NUF2: variants seen among roughly 807,000 people sequenced by gnomAD.
The protein encoded by NUF2 is kinetochore protein Nuf2.
NUF2 carries 34 observed loss-of-function variants against 61.8 expected under a neutral mutation model. The observed-to-expected ratio is 0.55, with a 90% CI of 0.42 to 0.73. The LOEUF is 0.73. Ranked by LOEUF, NUF2 falls within the 30% of genes least tolerant of loss-of-function variation. The pLI is 0.00. For missense variants in NUF2, 445 were observed against 539.1 expected (o/e 0.83, Z 1.73); for synonymous variants, 172 against 181.6 (o/e 0.95, Z 0.42).
intron 10 of NUF2, 35 bp downstream of exon 10, chr1:163,343,905 TA>T (rs762788695): frequency 0.028 from 29,354 of 1,059,160 alleles, no homozygotes; most frequent in South Asian, 0.036. Context: ...CTTTTGTATC[TA>T]AAAAAAAAAA....
At chr1:163,336,005 A>G (rs1650745826) in intron 5 of NUF2, among the ~76,000 whole-genome samples, 1 of 152,060 alleles carries the variant, frequency 6.6e-6, no homozygotes, top group East Asian at 1.9e-4. Flanking sequence ...TTTATTTATA[A>G]AGGTTGTTTT....
chr1:163,353,874 G>A (rs956044888), intron 13 of NUF2, among the ~76,000 whole-genome samples: 2 of 152,108 alleles, frequency 1.3e-5, no homozygotes, highest in Non-Finnish European at 2.9e-5. Context: ...GCTCCTCCTT[G>A]AGAGTGTTAC....
chr1:163,331,433 G>A (rs1000858928), intron 5 of NUF2, among the ~76,000 whole-genome samples: 4 of 151,688 alleles, frequency 2.6e-5, no homozygotes, highest in Non-Finnish European at 5.9e-5. Flanking sequence ...TTTTGTCTGT[G>A]TTCATGATGG....
chr1:163,335,741 A>G, intron 5 of NUF2, among the ~76,000 whole-genome samples: 1 of 152,116 alleles, frequency 6.6e-6, no homozygotes, highest in East Asian at 1.9e-4. Flanking sequence ...CACATTAGTT[A>G]TGCTGTTTGA....
intron 13 of NUF2, among the ~76,000 whole-genome samples, chr1:163,353,374 C>T (rs1651387623): frequency 6.6e-6 from 1 of 152,224 alleles, no homozygotes; most frequent in Non-Finnish European, 1.5e-5. Context: ...TCTAGACTGA[C>T]ACTGTCCAAC....
At chr1:163,331,326 A>C (rs973975140) in intron 5 of NUF2, among the ~76,000 whole-genome samples, 2 of 151,898 alleles carry the variant, frequency 1.3e-5, no homozygotes, top group African/African-American at 4.8e-5. Flanking sequence ...TGATTTTTGA[A>C]TATCAAGCCA....
intron 13 of NUF2, among the ~76,000 whole-genome samples, chr1:163,351,623 A>G (rs1191033091): frequency 1.3e-5 from 2 of 152,210 alleles, no homozygotes; most frequent in Non-Finnish European, 2.9e-5. Flanking sequence ...ACTATTGATC[A>G]AAACTTTGGG....
chr1:163,352,428 G>A (rs1321122911), intron 13 of NUF2, among the ~76,000 whole-genome samples: 2 of 152,100 alleles, frequency 1.3e-5, no homozygotes, highest in African/African-American at 4.8e-5. Flanking sequence ...TTTAAAACAA[G>A]GGCCATTTTC....
At chr1:163,342,845 C>T (rs1042856110) in intron 9 of NUF2, among the ~76,000 whole-genome samples, 9 of 152,088 alleles carry the variant, frequency 5.9e-5, no homozygotes, top group African/African-American at 1.9e-4. Flanking sequence ...TCATGTGTCA[C>T]TGTTTTGTTG....
At chr1:163,326,811 ATACCT>A (rs944945926) in intron 2 of NUF2, among the ~76,000 whole-genome samples, 4 of 152,256 alleles carry the variant, frequency 2.6e-5, no homozygotes, top group Admixed American at 1.3e-4. Context: ...AATGGAAGAA[ATACCT>A]TAGAATAACT....
intron 5 of NUF2, 125 bp downstream of exon 5, chr1:163,329,032 A>G: frequency 2.1e-6 from 1 of 483,214 alleles, no homozygotes; most frequent in Non-Finnish European, 3.7e-6. Context: ...TTTAAAAAGT[A>G]TATCCCATTT....
chr1:163,349,272 C>T lies in NUF2; in HGVS notation c.1260+192C>T, dbSNP rs73028145. ...TAAATAGTCCTAAGTTTAATGAGAA[C>T]AGGCATCTTGTCTCCTACATTTTTA... On this transcript the variant is annotated intron_variant, in intron 13 of 13. Transcript: ENST00000271452. Among the ~76,000 whole-genome samples, 1,477 of 152,178 alleles carry T rather than the reference C, an allele frequency of 9.7e-3. 22 individuals carry two copies. The highest frequency in any genetic ancestry group is 0.033 in the African/African-American group (1,379 of 41,512).
intron 6 of NUF2, among the ~76,000 whole-genome samples, chr1:163,337,427 G>A (rs1650798502): frequency 6.6e-6 from 1 of 152,044 alleles, no homozygotes; most frequent in Admixed American, 6.6e-5. Flanking sequence ...AAAAACACCA[G>A]AGTAACTCCA....
chr1:163,336,897 T>G, intron 6 of NUF2, 49 bp downstream of exon 6: 1 of 1,125,420 alleles, frequency 8.9e-7, no homozygotes, highest in East Asian at 2.4e-5. Context: ...AGTAACATTA[T>G]TTATGAACTT....
rs1259603575 is a variant in NUF2, at chr1:163,340,401, A to G, written c.644A>G (p.Asn215Ser). 1.9e-6 allele frequency: 3 copies of G among 1,611,526 alleles called. No individual in the cohort carries two copies. The highest frequency in any genetic ancestry group is 4.5e-5 in the East Asian group (2 of 44,670). Reference protein sequence around the residue: ...LQEGNSQKKSNISEKTKRLNE... With the variant: ...LQEGNSQKKSSISEKTKRLNE... ...GAGGGAAATTCCCAAAAGAAGTCAA[A>G]TATTTCAGAGAAAACCAAGCGTTTG... The change falls in exon 9 of 14, where the codon AAT becomes AGT. Residue 215 changes from asparagine (N) to serine (S), a missense_variant. Asn to Ser is a conservative substitution (Grantham distance 46, BLOSUM62 1). Coordinates refer to ENST00000271452, the MANE Select transcript of NUF2 (RefSeq NM_145697.3).
chr1:163,350,727 A>G (rs1338903103), intron 13 of NUF2, among the ~76,000 whole-genome samples: 1 of 152,264 alleles, frequency 6.6e-6, no homozygotes, highest in Non-Finnish European at 1.5e-5. Context: ...AAGATGAACA[A>G]ATCCTCACCC....
chr1:163,342,949 C>T (rs1223367093), intron 9 of NUF2, among the ~76,000 whole-genome samples: 1 of 152,118 alleles, frequency 6.6e-6, no homozygotes, highest in East Asian at 1.9e-4. Context: ...CCTGTCAATA[C>T]ATAGAGTCAT....
intron 13 of NUF2, among the ~76,000 whole-genome samples, chr1:163,354,007 T>A (rs1037745122): frequency 6.6e-6 from 1 of 152,200 alleles, no homozygotes; most frequent in African/African-American, 2.4e-5. Context: ...AATATCTTCC[T>A]ACCAAATTTA....
At chr1:163,336,699 C>A in intron 5 of NUF2, 52 bp from the exon 6 acceptor site, 1 of 1,117,820 alleles carries the variant, frequency 8.9e-7, no homozygotes, top group Non-Finnish European at 1.4e-6. Context: ...TTTTCATTTT[C>A]ATATTATGTT....
Sources: allele counts gnomAD v4.1 joint callset (sites outside exome capture counted in the v4.1 genomes callset), GRCh38; gene constraint gnomAD v4.1.1; transcripts MANE v1.5; gene names NCBI Gene and HGNC (gene_info 2026-07-23, HGNC 2026-07-21).